Variants in JCHAIN observed in about 807,000 individuals in gnomAD.
JCHAIN encodes immunoglobulin J chain.
Under a neutral mutation model 11.1 loss-of-function variants are expected in JCHAIN, and 5 were observed. The observed-to-expected ratio is 0.45, with a 90% CI of 0.24 to 0.95. JCHAIN has a LOEUF of 0.95. Ranked by LOEUF, JCHAIN falls within the 40% of genes least tolerant of loss-of-function variation. The pLI is 0.21. For missense variants in JCHAIN, 165 were observed against 192.7 expected, an observed-to-expected ratio of 0.86 and a Z score of 0.85; for synonymous variants, 51 against 67.8, an observed-to-expected ratio of 0.75 and a Z score of 1.22.
Position 70,656,407 on chromosome 4 carries a change from A to C in JCHAIN, c.402T>G (p.Ala134=). The stretch of plus-strand genomic sequence containing the variant: ...CACCACCATATACGAGTGGGACCAC[A>C]GCTGTGTAGCACTTGTTTCTGTCAT... ...YTYDRNKCYT[A]VVPLVYGGET... is the part of the protein sequence containing the mutation. The change falls in exon 4 of 4, where the codon GCT becomes GCG. Residue 134 remains alanine (A), a synonymous_variant. Transcript: ENST00000254801. 6.2e-7 allele frequency: 1 copy of C among 1,614,092 alleles called. No homozygotes were observed. Among genetic ancestry groups the C allele is most frequent in the Non-Finnish European group, 8.5e-7 (1 of 1,179,930 alleles).
chr4:70,656,859 A>C (rs552130706), intron 3 of JCHAIN, among the ~76,000 whole-genome samples: 3 of 152,308 alleles, frequency 2.0e-5, no homozygotes, highest in South Asian at 2.1e-4. Context: ...AGTGACAAGA[A>C]AGGGAGAATT....
In JCHAIN at chr4:70,656,435, G is replaced by C; in HGVS notation, c.374C>G (p.Thr125Ser). The C allele has an allele frequency of 2.5e-6, 4 of 1,613,898 alleles. No homozygotes were observed. The highest frequency in any genetic ancestry group is 3.4e-6 in the Non-Finnish European group (4 of 1,179,770). ...DEDSATETCY[T>S]YDRNKCYTAV... ...TGTGTAGCACTTGTTTCTGTCATAA[G>C]TGTAGCAGGTCTCTGTAGCACTGTC... Residue 125 changes from threonine to serine, a missense_variant, in exon 4 of 4, where the codon ACT becomes AGT. Physicochemically the swap from Thr to Ser is moderately conservative, Grantham distance 58. Coordinates refer to ENST00000254801, the MANE Select transcript of JCHAIN (RefSeq NM_144646.4).
chr4:70,659,549 C>CAAAA (rs35627461), intron 2 of JCHAIN, among the ~76,000 whole-genome samples: 231 of 16,548 alleles, frequency 0.014, 79 homozygotes, highest in East Asian at 0.049. Context: ...GACTCTGTCT[C>CAAAA]AAAAAAAAAA....
chr4:70,656,574 C>A, intron 3 of JCHAIN, 35 bp from the exon 4 acceptor site: 2 of 1,483,712 alleles, frequency 1.3e-6, no homozygotes, highest in Non-Finnish European at 1.9e-6. Context: ...ACAATCCCCT[C>A]AAATGCTGTC....
In JCHAIN at chr4:70,659,897, C is replaced by A. The variant is rs142109280; in HGVS notation, c.188+2195G>T. On this transcript the variant is annotated intron_variant, in intron 2 of 3. Coordinates refer to ENST00000254801, the MANE Select transcript of JCHAIN (RefSeq NM_144646.4). Reference sequence around the variant, plus strand: ...AATGATAAGAATAATAATAATAATACCATAATGGCACAGCAATGGCAATAT... The same window carrying A: ...AATGATAAGAATAATAATAATAATAACATAATGGCACAGCAATGGCAATAT... 1.4e-4 allele frequency among the ~76,000 whole-genome samples: 21 copies of A among 151,980 alleles called. No homozygotes were observed. The East Asian group carries it at 4.1e-3, about 29-fold the overall frequency.
chr4:70,658,430 A>G (rs956508423), intron 2 of JCHAIN, among the ~76,000 whole-genome samples: 2 of 152,182 alleles, frequency 1.3e-5, no homozygotes, highest in African/African-American at 4.8e-5. Context: ...CTAACTCTCC[A>G]GCTTCATCTC....
Position 70,657,274 on chromosome 4 carries a change from CT to C in JCHAIN, c.205del (p.Arg69GlyfsTer11). 1 of 1,597,742 alleles carries C rather than the reference CT, an allele frequency of 6.3e-7. No homozygotes were observed. Among genetic ancestry groups the C allele is most frequent in the East Asian group, 2.2e-5 (1 of 44,672 alleles). On this transcript the variant is annotated frameshift_variant, in exon 3 of 4. Coordinates refer to ENST00000254801, the MANE Select transcript of JCHAIN (RefSeq NM_144646.4). LOFTEE classifies it high-confidence loss of function. ...NIRIIVPLNN[R>X]ENISDPTSPL... ...TGAGGTGGGATCAGAGATATTCTCC[CT>C]GTTGTTCAGAGGAACACTAAAAGAA...
intron 1 of JCHAIN, among the ~76,000 whole-genome samples, chr4:70,664,850 A>G (rs985950651): frequency 6.6e-6 from 1 of 152,228 alleles, no homozygotes. Context: ...CTTCCTTACC[A>G]GAAACCTGGG....
rs765024792 is a variant in JCHAIN at position 70,662,184 on chromosome 4, G to A, written c.96C>T (p.Asp32=). 5.0e-6 allele frequency: 8 copies of A among 1,613,474 alleles called. No homozygotes were observed. The highest frequency in any genetic ancestry group is 6.8e-6 in the Non-Finnish European group (8 of 1,179,434). Residue 32 remains aspartate (D), a synonymous_variant, in exon 2 of 4, where the codon GAC becomes GAT. Transcript: ENST00000254801. The part of the protein sequence containing the change: ...AQEDERIVLV[D]NKCKCARITS... ...TAATCCGGGCACACTTACATTTGTT[G>A]TCAACAAGAACAATCCTTTCATCTT...
At chr4:70,656,586 C>T in intron 3 of JCHAIN, 47 bp from the exon 4 acceptor site, 1 of 1,369,772 alleles carries the variant, frequency 7.3e-7, no homozygotes, top group Non-Finnish European at 1.0e-6. Context: ...AATGCTGTCT[C>T]AAAATGTGAC....
intron 1 of JCHAIN, among the ~76,000 whole-genome samples, 195 bp downstream of exon 1, chr4:70,666,232 G>A (rs1739150782): frequency 6.6e-6 from 1 of 152,106 alleles, no homozygotes. Flanking sequence ...AAACAAGTAA[G>A]TAAGATAAGA....
rs1046207882 is a variant in JCHAIN at position 70,655,767 on chromosome 4, T to G, written c.*562A>C. On this transcript the variant is annotated 3_prime_UTR_variant, in exon 4 of 4. Transcript: ENST00000254801. ...TTGCTACTTTTATAAATATTAGAGATTTCACCTTAAATTATTTTTGTAACT... is the reference window on the plus strand; with the variant it reads ...TTGCTACTTTTATAAATATTAGAGAGTTCACCTTAAATTATTTTTGTAACT... 1 of 152,168 alleles carries G rather than the reference T, an allele frequency of 6.6e-6. No individual in the cohort carries two copies. Among genetic ancestry groups the G allele is most frequent in the South Asian group, 2.1e-4 (1 of 4,834 alleles). The allele number at this position is 152,168 out of a possible 1,614,324, so 9.4% of individuals were successfully genotyped here.
chr4:70,662,540 T>C (rs1414106204), intron 1 of JCHAIN, among the ~76,000 whole-genome samples: 1 of 152,246 alleles, frequency 6.6e-6, no homozygotes, highest in Non-Finnish European at 1.5e-5. Context: ...AGGCATGTTT[T>C]CATCCAAGAT....
intron 2 of JCHAIN, among the ~76,000 whole-genome samples, chr4:70,658,695 C>T (rs1577978485): frequency 6.6e-6 from 1 of 152,158 alleles, no homozygotes; most frequent in Non-Finnish European, 1.5e-5. Context: ...ATTTAGCCAG[C>T]AAACTCCTAT....
chr4:70,659,590 G>T (rs903983606), intron 2 of JCHAIN, among the ~76,000 whole-genome samples: 2 of 130,188 alleles, frequency 1.5e-5, no homozygotes, highest in South Asian at 5.3e-4. Context: ...AGCCAGGCAC[G>T]GTGGCTCATG....
At chr4:70,664,739 T>C (rs1739120595) in intron 1 of JCHAIN, among the ~76,000 whole-genome samples, 1 of 152,210 alleles carries the variant, frequency 6.6e-6, no homozygotes, top group South Asian at 2.1e-4. Context: ...GAAATATAAA[T>C]GAGCACATAA....
rs373866287 is a variant in JCHAIN, at chr4:70,666,454, C to T, written c.37G>A (p.Val13Ile). The stretch of plus-strand genomic sequence containing the variant: ...TTCACATGAACAGCCTTAATAAAAA[C>T]CGCCAGGACTCCCCAGAAAAGCAAA... ...NHLLFWGVLA[V>I]FIKAVHVKAQ... The change falls in exon 1 of 4, where the codon GTT becomes ATT. Residue 13 changes from valine (V) to isoleucine (I), a missense_variant. Val to Ile is a conservative substitution (Grantham distance 29). Coordinates refer to ENST00000254801, the MANE Select transcript of JCHAIN (RefSeq NM_144646.4). 1.2e-6 allele frequency: 2 copies of T among 1,613,098 alleles called. No homozygotes were observed. Among genetic ancestry groups the T allele is most frequent in the South Asian group, 1.1e-5 (1 of 91,054 alleles).
chr4:70,665,990 C>T (rs889762728), intron 1 of JCHAIN: 17 of 198,210 alleles, frequency 8.6e-5, no homozygotes, highest in Middle Eastern at 4.8e-4. Context: ...CATAATAAAT[C>T]TGTGGGATCA....
Position 70,656,333 on chromosome 4 carries a change from T to A in JCHAIN, c.476A>T (p.Asp159Val). 6.2e-7 allele frequency: 1 copy of A among 1,611,452 alleles called. No individual in the cohort carries two copies. The highest frequency in any genetic ancestry group is 2.2e-5 in the East Asian group (1 of 44,872). The part of the protein sequence containing the change: ...TALTPDACYP[D>V] The stretch of plus-strand genomic sequence containing the variant: ...TGCAGTCAGCAATGACTTAAATTAG[T>A]CAGGATAGCAGGCATCTGGGGTTAA... The change falls in exon 4 of 4, where the codon GAC becomes GTC. Residue 159 changes from aspartate to valine, a missense_variant. Transcript: ENST00000254801.
Sources: gnomAD v4.1 joint callset for allele counts (sites outside exome capture counted in the v4.1 genomes callset) on GRCh38, gnomAD v4.1.1 for gene constraint, MANE v1.5 for transcripts, NCBI Gene and HGNC (gene_info 2026-07-23, HGNC 2026-07-21) for gene names.